Variants in AFF3 observed in about 807,000 individuals in gnomAD.
AFF3 encodes AF4/FMR2 family member 3.
Under a neutral mutation model 129.7 loss-of-function variants are expected in AFF3, and 32 were observed. The ratio of observed to expected loss-of-function variants is 0.25; its 90% CI spans 0.19 to 0.33. The LOEUF (loss-of-function observed/expected upper bound fraction) is 0.33, where lower values mean the gene tolerates loss of function less well. Among genes scored for constraint, AFF3 ranks in the 10% least tolerant of loss-of-function variants. AFF3 has a pLI of 1.00. For missense variants in AFF3, 1,373 were observed against 1,592.0 expected (o/e 0.86, Z 2.34); for synonymous variants, 644 against 635.4 (o/e 1.01, Z -0.20).
At chr2:99,709,589 T>C (rs1243067421) in intron 11 of AFF3, among the ~76,000 whole-genome samples, 1 of 152,252 alleles carries the variant, frequency 6.6e-6, no homozygotes, top group Non-Finnish European at 1.5e-5. Context: ...CAATATTTTA[T>C]GTATTTACTC....
At chr2:100,045,993 G>A (rs140247247) in intron 4 of AFF3, among the ~76,000 whole-genome samples, 1 of 152,104 alleles carries the variant, frequency 6.6e-6, no homozygotes, top group Admixed American at 6.5e-5. Context: ...TTGACTGCAT[G>A]AGGGTTGGCA....
At chr2:100,113,832 G>A (rs1403031142) in intron 2 of AFF3, among the ~76,000 whole-genome samples, 1 of 152,092 alleles carries the variant, frequency 6.6e-6, no homozygotes, top group African/African-American at 2.4e-5. Context: ...AGCATGCCAT[G>A]TTCCCCTAGC....
chr2:99,727,310 C>T (rs1054858532), intron 10 of AFF3, among the ~76,000 whole-genome samples, 182 bp from the exon 11 acceptor site: 3 of 152,172 alleles, frequency 2.0e-5, no homozygotes, highest in Admixed American at 6.5e-5. Flanking sequence ...TTCTGCAATG[C>T]AACTGCCCAG....
Position 100,072,064 on chromosome 2 carries a change from A to G in AFF3, c.53+32338T>C, listed in dbSNP as rs1451466307. ...TGGTAAAATCACCTGCACTTTAACCATGGAACAAGACATTTCCCCTCCCCA... is the reference window on the plus strand; with the variant it reads ...TGGTAAAATCACCTGCACTTTAACCGTGGAACAAGACATTTCCCCTCCCCA... On this transcript the variant is annotated intron_variant, in intron 4 of 24. Transcript: ENST00000672756. Among the ~76,000 whole-genome samples the G allele has an allele frequency of 2.0e-5, 3 of 152,304 alleles. No homozygotes were observed. The East Asian group carries it at 5.8e-4, about 29-fold the overall frequency.
intron 7 of AFF3, among the ~76,000 whole-genome samples, chr2:99,911,758 T>A (rs1003639873): frequency 6.6e-6 from 1 of 152,182 alleles, no homozygotes; most frequent in Non-Finnish European, 1.5e-5. Flanking sequence ...CAAAAACATG[T>A]GCACCACAGA....
intron 3 of AFF3, chr2:100,105,210 G>C: frequency 1.3e-6 from 1 of 761,020 alleles, no homozygotes; most frequent in South Asian, 2.7e-5. Flanking sequence ...CCGCGGCCCA[G>C]AATCCACTTG....
chr2:100,125,443 C>T (rs1692145677), intron 2 of AFF3, among the ~76,000 whole-genome samples: 1 of 152,046 alleles, frequency 6.6e-6, no homozygotes, highest in Non-Finnish European at 1.5e-5. Flanking sequence ...CAGAGTGGGG[C>T]CCATGCCTGT....
chr2:100,013,617 G>T (rs1462009622), intron 4 of AFF3, among the ~76,000 whole-genome samples: 1 of 152,178 alleles, frequency 6.6e-6, no homozygotes, highest in Non-Finnish European at 1.5e-5. Flanking sequence ...GACAAGCCCA[G>T]TAGTGAGAAG....
rs1472011216 is a variant in AFF3, at chr2:99,593,582, T to A, written c.2079A>T (p.Ala693=). The change falls in exon 15 of 25, where the codon GCA becomes GCT. Residue 693 remains alanine, a synonymous_variant. Transcript: ENST00000672756. ...SEQEEYPLSK[A]QTVAASASSG... is the part of the protein sequence containing the mutation. ...AGGAGGCAGAGGCAGCCACGGTCTGTGCTTTGGACAGAGGGTACTCCTCCT... is the reference window on the plus strand; with the variant it reads ...AGGAGGCAGAGGCAGCCACGGTCTGAGCTTTGGACAGAGGGTACTCCTCCT... 6.2e-7 allele frequency: 1 copy of A among 1,612,948 alleles called. No homozygotes were observed. The highest frequency in any genetic ancestry group is 1.3e-5 in the African/African-American group (1 of 74,910).
chr2:99,678,611 G>C (rs550873821), intron 11 of AFF3, among the ~76,000 whole-genome samples: 2 of 152,300 alleles, frequency 1.3e-5, no homozygotes, highest in East Asian at 3.9e-4. Context: ...AAAAATCTGA[G>C]TTTTAATTGG....
At chr2:99,834,147 G>T (rs1688693928) in intron 8 of AFF3, among the ~76,000 whole-genome samples, 1 of 152,086 alleles carries the variant, frequency 6.6e-6, no homozygotes, top group African/African-American at 2.4e-5. Flanking sequence ...CATTCACAAT[G>T]AATTGCCTGA....
intron 4 of AFF3, among the ~76,000 whole-genome samples, chr2:100,100,848 A>G (rs1690671019): frequency 1.3e-5 from 2 of 152,252 alleles, no homozygotes; most frequent in African/African-American, 4.8e-5. Context: ...AAGCTGGTGG[A>G]CCACAGAAGG....
At chr2:99,649,450 G>A (rs1430714633) in intron 13 of AFF3, among the ~76,000 whole-genome samples, 176 bp downstream of exon 13, 2 of 152,160 alleles carry the variant, frequency 1.3e-5, no homozygotes, top group South Asian at 2.1e-4. Flanking sequence ...ACAACAAGGC[G>A]ATTTTTGCAG....
At chr2:99,639,389 T>G (rs558738897) in intron 13 of AFF3, among the ~76,000 whole-genome samples, 5 of 152,286 alleles carry the variant, frequency 3.3e-5, no homozygotes, top group African/African-American at 1.2e-4. Context: ...CTCTGTGGCC[T>G]CTCTGTTGGA....
intron 8 of AFF3, among the ~76,000 whole-genome samples, chr2:99,806,694 C>T (rs1346178569): frequency 2.0e-5 from 3 of 152,100 alleles, no homozygotes; most frequent in Non-Finnish European, 2.9e-5. Context: ...TACCTGTCTC[C>T]ACGCCCCCAC....
rs1391302198 is a variant in AFF3, at chr2:99,550,869, T to C, written c.*605A>G. 4 of 242,890 alleles carry C rather than the reference T, an allele frequency of 1.6e-5. No individual in the cohort carries two copies. In the East Asian group the frequency reaches 1.8e-4, roughly 11 times the overall value. The allele number at this position is 242,890 out of a possible 1,614,324, so 15.0% of individuals were successfully genotyped here. A position where few individuals can be genotyped will look rare whatever the true frequency, so the allele number is the denominator to read the frequency against. The stretch of plus-strand genomic sequence containing the variant: ...AGGAAGAGCAGGGTATTTGGTAACA[T>C]GCAATCTAGTAAACTTCCGGCACAA... On this transcript the variant is annotated 3_prime_UTR_variant, in exon 25 of 25. Transcript: ENST00000672756.
intron 7 of AFF3, among the ~76,000 whole-genome samples, chr2:99,843,731 G>A (rs1352407432): frequency 2.6e-5 from 4 of 152,126 alleles, no homozygotes; most frequent in Non-Finnish European, 5.9e-5. Flanking sequence ...AATTATATTA[G>A]TTGACTATAA....
intron 13 of AFF3, among the ~76,000 whole-genome samples, chr2:99,607,059 T>G (rs1344396897): frequency 1.3e-5 from 2 of 152,254 alleles, no homozygotes; most frequent in Non-Finnish European, 2.9e-5. Flanking sequence ...TTGTTTACTT[T>G]TTGCATTTTG....
chr2:99,602,541 C>A (rs190829970), intron 13 of AFF3, among the ~76,000 whole-genome samples: 1 of 152,138 alleles, frequency 6.6e-6, no homozygotes. Flanking sequence ...AATTTCAGTA[C>A]TCACATAATA....
Sources: allele counts gnomAD v4.1 joint callset (sites outside exome capture counted in the v4.1 genomes callset), GRCh38; gene constraint gnomAD v4.1.1; transcripts MANE v1.5; gene names NCBI Gene and HGNC (gene_info 2026-07-23, HGNC 2026-07-21).